The following B4GALT1 variants were observed in gnomAD, a reference collection of about 807,000 sequenced individuals.
B4GALT1 encodes the protein beta-1,4-galactosyltransferase 1.
In B4GALT1, 16 loss-of-function variants were observed where a neutral mutation model predicts 34.9. The observed-to-expected ratio is 0.46, with a 90% CI of 0.31 to 0.70. B4GALT1 has a LOEUF of 0.70. Ranked by LOEUF, B4GALT1 falls within the 30% of genes least tolerant of loss-of-function variation. The probability of loss-of-function intolerance (pLI) is 0.05; values close to 1 mark genes in which losing one functional copy is unlikely to be tolerated. For missense variants in B4GALT1, 445 were observed against 530.5 expected (o/e 0.84, Z 1.58); for synonymous variants, 221 against 218.1 (o/e 1.01, Z -0.12).
At chr9:33,120,383 C>A (rs1840002718) in intron 3 of B4GALT1, 36 bp downstream of exon 3, 1 of 1,608,860 alleles carries the variant, frequency 6.2e-7, no homozygotes, top group African/African-American at 1.3e-5. Flanking sequence ...ATGAGAGAGA[C>A]ATGTTTACCA....
chr9:33,105,802 T>A (rs1166213893), downstream of B4GALT1, among the ~76,000 whole-genome samples: 1 of 151,986 alleles, frequency 6.6e-6, no homozygotes, highest in Non-Finnish European at 1.5e-5. Context: ...ATGTCAGAAT[T>A]TCCTCCCCTT....
the B4GALT1 span, among the ~76,000 whole-genome samples, chr9:33,184,571 C>T: frequency 6.6e-6 from 1 of 152,198 alleles, no homozygotes; most frequent in African/African-American, 2.4e-5. Flanking sequence ...AGACAAGAAC[C>T]TCCTCCAGGT....
the B4GALT1 span, among the ~76,000 whole-genome samples, chr9:33,182,245 C>A: frequency 6.6e-6 from 1 of 152,162 alleles, no homozygotes; most frequent in African/African-American, 2.4e-5. Flanking sequence ...CTTCTCTCTG[C>A]CTATGATTTT....
chr9:33,132,174 A>G (rs1457413289), intron 2 of B4GALT1, among the ~76,000 whole-genome samples: 1 of 152,082 alleles, frequency 6.6e-6, no homozygotes, highest in African/African-American at 2.4e-5. Flanking sequence ...GGAGGTATAT[A>G]TGTTTGAAAA....
intron 3 of B4GALT1, among the ~76,000 whole-genome samples, chr9:33,117,646 G>A (rs901355625): frequency 2.6e-5 from 4 of 152,176 alleles, no homozygotes; most frequent in African/African-American, 9.7e-5. Flanking sequence ...CAGAACATAT[G>A]AAAATAAAGA....
At chr9:33,183,244 C>T in the B4GALT1 span, among the ~76,000 whole-genome samples, 1 of 152,014 alleles carries the variant, frequency 6.6e-6, no homozygotes, top group Admixed American at 6.6e-5. Context: ...GATAGCTACC[C>T]ATTAGTAGCT....
intron 4 of B4GALT1, 59 bp from the exon 5 acceptor site, chr9:33,113,937 C>T (rs1839903544): frequency 6.7e-7 from 1 of 1,499,510 alleles, no homozygotes; most frequent in Non-Finnish European, 9.3e-7. Flanking sequence ...GGCCTGAGAG[C>T]CCCGGCTGCA....
chr9:33,149,612 T>C (rs1840481261), intron 1 of B4GALT1, among the ~76,000 whole-genome samples: 1 of 152,060 alleles, frequency 6.6e-6, no homozygotes, highest in African/African-American at 2.4e-5. Context: ...AATGGTAAAA[T>C]AGTAACTATA....
downstream of B4GALT1, among the ~76,000 whole-genome samples, chr9:33,109,899 GTTTTT>G (rs941837801): frequency 6.6e-6 from 1 of 151,814 alleles, no homozygotes. Flanking sequence ...AAAGAAACAG[GTTTTT>G]TTTTGTTTGT....
At chr9:33,131,969 T>C (rs1396146721) in intron 2 of B4GALT1, among the ~76,000 whole-genome samples, 1 of 152,134 alleles carries the variant, frequency 6.6e-6, no homozygotes, top group Admixed American at 6.5e-5. Context: ...ACTCTGACCA[T>C]ATTTTCCCAA....
At chr9:33,131,755 C>G (rs921847636) in intron 2 of B4GALT1, among the ~76,000 whole-genome samples, 3 of 152,188 alleles carry the variant, frequency 2.0e-5, no homozygotes, top group African/African-American at 7.2e-5. Flanking sequence ...CTACAAAATC[C>G]CTTTCTTCTT....
chr9:33,104,930 C>G (rs1839784520), intron 2 of B4GALT1: 1 of 360,908 alleles, frequency 2.8e-6, no homozygotes, highest in South Asian at 2.2e-5. Flanking sequence ...AACAATTCTC[C>G]TGCCTCAGCC....
At position 33,154,356 on chromosome 9, in the gene B4GALT1, G is replaced by T. The variant is rs55846321; in HGVS notation, c.412+12402C>A. 4.6e-3 allele frequency among the ~76,000 whole-genome samples: 693 copies of T among 152,196 alleles called. 4 individuals carry two copies. The highest frequency in any genetic ancestry group is 8.0e-3 in the Non-Finnish European group (546 of 67,988). On this transcript the variant is annotated intron_variant, in intron 1 of 5. Coordinates refer to ENST00000379731, the MANE Select transcript of B4GALT1 (RefSeq NM_001497.4). ...AAAGGAACTTCCTCAACCTGATAAA[G>T]GGCACCTAGGAAAAACCCACTGCTA...
chr9:33,150,150 T>TACACACTTAC (rs1564050622), intron 1 of B4GALT1, among the ~76,000 whole-genome samples: 2 of 119,886 alleles, frequency 1.7e-5, no homozygotes, highest in East Asian at 4.3e-4. Flanking sequence ...TATAGATATA[T>TACACACTTAC]ACACACACAC....
At chr9:33,177,169 T>G in the B4GALT1 span, among the ~76,000 whole-genome samples, 6 of 152,220 alleles carry the variant, frequency 3.9e-5, no homozygotes, top group African/African-American at 1.4e-4. Context: ...TTGAACATTT[T>G]GCCTAGAAAT....
intron 2 of B4GALT1, among the ~76,000 whole-genome samples, chr9:33,134,325 G>A (rs73472087): frequency 3.9e-5 from 6 of 152,228 alleles, no homozygotes; most frequent in South Asian, 2.1e-4. Context: ...AGAAATGGGC[G>A]TACTCAGACT....
intron 2 of B4GALT1, among the ~76,000 whole-genome samples, chr9:33,126,247 C>G (rs1564040421): frequency 6.6e-6 from 1 of 152,076 alleles, no homozygotes; most frequent in Non-Finnish European, 1.5e-5. Flanking sequence ...AGTAACAGAT[C>G]AGCGGCAGCA....
chr9:33,126,665 A>AGCTAACCAT (rs1405751053), intron 2 of B4GALT1, among the ~76,000 whole-genome samples: 1 of 31,136 alleles, frequency 3.2e-5, no homozygotes, highest in Non-Finnish European at 1.0e-4. Flanking sequence ...CCATAGCAAT[A>AGCTAACCAT]TGGTAGCTCA....
the B4GALT1 span, among the ~76,000 whole-genome samples, chr9:33,182,578 A>G: frequency 1.3e-5 from 2 of 152,040 alleles, no homozygotes; most frequent in African/African-American, 2.4e-5. Context: ...TTTTCCCCCC[A>G]TAAGCTGATT....
Sources: gnomAD v4.1 joint callset for allele counts (sites outside exome capture counted in the v4.1 genomes callset) on GRCh38, gnomAD v4.1.1 for gene constraint, MANE v1.5 for transcripts, NCBI Gene and HGNC (gene_info 2026-07-23, HGNC 2026-07-21) for gene names.